Variants in NCALD observed in about 807,000 individuals in gnomAD.
NCALD encodes neurocalcin-delta.
In NCALD, 10 loss-of-function variants were observed where a neutral mutation model predicts 18.6. That is an observed-to-expected ratio of 0.54 (90% CI 0.33 to 0.91). The LOEUF (loss-of-function observed/expected upper bound fraction) is 0.91. Ranked by LOEUF, NCALD falls within the 40% of genes least tolerant of loss-of-function variation. The probability of loss-of-function intolerance (pLI) is 0.03; values close to 1 mark genes in which losing one functional copy is unlikely to be tolerated. For synonymous variants in NCALD, 88 were observed against 87.4 expected (o/e 1.01, Z -0.04); for missense variants, 184 against 247.6 (o/e 0.74, Z 1.72).
At chr8:101,714,218 G>T (rs1022521094) in intron 2 of NCALD, among the ~76,000 whole-genome samples, 5 of 152,202 alleles carry the variant, frequency 3.3e-5, no homozygotes, top group African/African-American at 2.4e-5. Context: ...GTTTGCAGAT[G>T]ACAGGATAAT....
chr8:102,088,180 C>T (rs995987275), intron 1 of NCALD, among the ~76,000 whole-genome samples: 1 of 152,202 alleles, frequency 6.6e-6, no homozygotes, highest in Non-Finnish European at 1.5e-5. Flanking sequence ...GGGAGCTTGA[C>T]CTTGTAACCA....
At chr8:101,901,025 T>C (rs1174753078) in intron 3 of NCALD, among the ~76,000 whole-genome samples, 1 of 152,072 alleles carries the variant, frequency 6.6e-6, no homozygotes, top group Non-Finnish European at 1.5e-5. Context: ...TGGGTATATA[T>C]TTAGGGTTTG....
Position 102,026,403 on chromosome 8 carries a change from G to A in NCALD, c.-209-6114C>T, listed in dbSNP as rs1822457105. Among the ~76,000 whole-genome samples, 2 of 152,176 alleles carry A rather than the reference G, an allele frequency of 1.3e-5. 1 individual carries two copies. The highest frequency in any genetic ancestry group is 4.1e-4 in the South Asian group (2 of 4,828). On this transcript the variant is annotated intron_variant, in intron 1 of 6. Coordinates refer to the NCALD transcript ENST00000311028. ...GGGTAAATGCACCCATTCCAAATGG[G>A]AGAAATTGGCCAAAACAAAGTGGTT...
rs544222887 is a variant in NCALD, at chr8:101,849,006, C to T, written c.-20+38135G>A. ...CTAAAGAAAATGTGGTACATATACA[C>T]CATGGAATACTATGCAGCCATAAAA... is the stretch of plus-strand genomic sequence containing the variant. On this transcript the variant is annotated intron_variant, in intron 4 of 6. Transcript: ENST00000311028. Among the ~76,000 whole-genome samples the T allele has an allele frequency of 1.4e-4, 21 of 152,256 alleles. 1 individual carries two copies. In the East Asian group the frequency reaches 2.7e-3, roughly 20 times the overall value.
At chr8:102,102,537 C>T (rs1825319843) in intron 1 of NCALD, among the ~76,000 whole-genome samples, 1 of 152,080 alleles carries the variant, frequency 6.6e-6, no homozygotes, top group Non-Finnish European at 1.5e-5. Context: ...GTATCTGAGG[C>T]TCAGTTAAGG....
chr8:101,956,673 T>TA (rs1819639813), intron 2 of NCALD, among the ~76,000 whole-genome samples: 1 of 151,734 alleles, frequency 6.6e-6, no homozygotes. Flanking sequence ...TCTGGACCAT[T>TA]AAATAATGCC....
At chr8:101,872,820 G>A (rs529019313) in intron 4 of NCALD, among the ~76,000 whole-genome samples, 2 of 152,258 alleles carry the variant, frequency 1.3e-5, no homozygotes, top group East Asian at 3.9e-4. Context: ...AACCTGTTTA[G>A]AGCATGATCC....
chr8:101,845,484 T>C (rs912388272), intron 4 of NCALD, among the ~76,000 whole-genome samples: 1 of 152,230 alleles, frequency 6.6e-6, no homozygotes, highest in African/African-American at 2.4e-5. Context: ...GCCATCCCTA[T>C]TGGTCCCATT....
intron 4 of NCALD, among the ~76,000 whole-genome samples, chr8:101,806,797 A>G (rs1813118386): frequency 6.6e-6 from 1 of 152,126 alleles, no homozygotes; most frequent in Admixed American, 6.5e-5. Context: ...TAATGTACAC[A>G]TTAAAGAAGC....
intron 4 of NCALD, among the ~76,000 whole-genome samples, chr8:101,877,745 T>TC: frequency 6.6e-6 from 1 of 152,282 alleles, no homozygotes; most frequent in East Asian, 1.9e-4. Context: ...CCCCTTTTTT[T>TC]CTCACCTGTT....
intron 2 of NCALD, among the ~76,000 whole-genome samples, chr8:101,938,120 TCTG>T (rs752158575): frequency 7.2e-5 from 11 of 152,174 alleles, no homozygotes; most frequent in Non-Finnish European, 1.5e-4. Context: ...CGATAAACCT[TCTG>T]CTTAATAATC....
intron 4 of NCALD, among the ~76,000 whole-genome samples, chr8:101,829,045 A>AT (rs1284558993): frequency 2.0e-5 from 3 of 152,138 alleles, no homozygotes; most frequent in Non-Finnish European, 4.4e-5. Flanking sequence ...CATTTAATCT[A>AT]GTCTGAGGTG....
At chr8:101,706,985 G>A (rs1815558378) in intron 2 of NCALD, among the ~76,000 whole-genome samples, 1 of 152,238 alleles carries the variant, frequency 6.6e-6, no homozygotes. Context: ...GCATTGAAGA[G>A]TTTCTTCCAG....
rs1026835604 is a variant in NCALD, at chr8:101,828,261, G to A, written c.-20+58880C>T. Among the ~76,000 whole-genome samples the A allele has an allele frequency of 6.6e-5, 10 of 152,246 alleles. No individual in the cohort carries two copies. In the South Asian group the frequency reaches 1.2e-3, roughly 19 times the overall value. The stretch of plus-strand genomic sequence containing the variant: ...ACCCTCCAGGGACTTCCCATCTCAC[G>A]TGGAATGAAAGCCCAAATCTTGCAA... On this transcript the variant is annotated intron_variant, in intron 4 of 6. Transcript: ENST00000311028.
At chr8:101,940,996 T>C (rs1163445925) in intron 2 of NCALD, among the ~76,000 whole-genome samples, 3 of 152,204 alleles carry the variant, frequency 2.0e-5, no homozygotes, top group African/African-American at 7.2e-5. Context: ...ATACCAACTT[T>C]TCACCAAGGA....
At chr8:102,018,120 T>A (rs1822151570) in intron 2 of NCALD, among the ~76,000 whole-genome samples, 1 of 152,240 alleles carries the variant, frequency 6.6e-6, no homozygotes, top group Non-Finnish European at 1.5e-5. Context: ...GAAACTTTCA[T>A]ATATTGCTGA....
At chr8:102,033,454 T>G (rs1334610913) in intron 1 of NCALD, among the ~76,000 whole-genome samples, 1 of 152,202 alleles carries the variant, frequency 6.6e-6, no homozygotes, top group Non-Finnish European at 1.5e-5. Context: ...ATTCTAACTA[T>G]TATGCCTAAT....
chr8:101,731,645 A>G (rs1290194923), intron 1 of NCALD, among the ~76,000 whole-genome samples: 1 of 152,072 alleles, frequency 6.6e-6, no homozygotes, highest in Admixed American at 6.5e-5. Flanking sequence ...AACCATGTAA[A>G]TACGCTCTCT....
chr8:101,690,926 C>CGGCAT, intron 3 of NCALD: 1 of 985,362 alleles, frequency 1.0e-6, no homozygotes, highest in Non-Finnish European at 1.2e-6. Flanking sequence ...ACCTGGAGCT[C>CGGCAT]GGCATGACGT....
Sources: allele counts gnomAD v4.1 joint callset (sites outside exome capture counted in the v4.1 genomes callset), GRCh38; gene constraint gnomAD v4.1.1; transcripts MANE v1.5; gene names NCBI Gene and HGNC (gene_info 2026-07-23, HGNC 2026-07-21).